The following ARID2 variants were observed in gnomAD, a reference collection of about 807,000 sequenced individuals.
ARID2 encodes AT-rich interaction domain 2.
ARID2 carries 32 observed loss-of-function variants against 184.6 expected under a neutral mutation model. The observed-to-expected ratio is 0.17, with a 90% CI of 0.13 to 0.23. The LOEUF is 0.23. Ranked by LOEUF, ARID2 falls within the 10% of genes least tolerant of loss-of-function variation. The pLI, the probability that ARID2 is intolerant of heterozygous loss-of-function variation, is 1.00. For synonymous variants in ARID2, 836 were observed against 772.6 expected (o/e 1.08, Z -1.36); for missense variants, 1,696 against 2,197.6 (o/e 0.77, Z 4.56).
chr12:45,845,741 C>A (rs1295945427), intron 11 of ARID2, among the ~76,000 whole-genome samples: 1 of 151,970 alleles, frequency 6.6e-6, no homozygotes, highest in Non-Finnish European at 1.5e-5. Context: ...TGCCTAGTTC[C>A]AATAATTTTA....
chr12:45,749,607 A>G (rs578176490), intron 3 of ARID2, among the ~76,000 whole-genome samples: 2 of 152,306 alleles, frequency 1.3e-5, no homozygotes, highest in Admixed American at 6.5e-5. Context: ...TCTTCTTCCA[A>G]TAGAAGGCTT....
chr12:45,905,106 A>T lies in ARID2; in HGVS notation c.*28A>T, dbSNP rs763014390. The stretch of plus-strand genomic sequence containing the variant: ...AATAATTCCACTTACACAGTGGGGG[A>T]CTCAAAGTCAGCCACATTTCACATA... On this transcript the variant is annotated 3_prime_UTR_variant, in exon 21 of 21. Coordinates refer to ENST00000334344, the MANE Select transcript of ARID2 (RefSeq NM_152641.4). 2.5e-6 allele frequency: 4 copies of T among 1,603,558 alleles called. No homozygotes were observed. In the South Asian group the frequency reaches 4.5e-5, roughly 18 times the overall value.
At chr12:45,861,205 A>G (rs954912509) in intron 16 of ARID2, among the ~76,000 whole-genome samples, 1 of 152,220 alleles carries the variant, frequency 6.6e-6, no homozygotes, top group African/African-American at 2.4e-5. Context: ...AGTAAAGAAA[A>G]TCAATTAAGA....
intron 3 of ARID2, among the ~76,000 whole-genome samples, chr12:45,804,867 T>C (rs557031845): frequency 6.6e-6 from 1 of 152,138 alleles, no homozygotes; most frequent in Non-Finnish European, 1.5e-5. Context: ...ACTTACTACA[T>C]ACTTGTCTGT....
At chr12:45,901,182 T>C (rs1944453460) in intron 20 of ARID2, among the ~76,000 whole-genome samples, 1 of 111,452 alleles carries the variant, frequency 9.0e-6, no homozygotes, top group Non-Finnish European at 1.9e-5. Flanking sequence ...TTTTTTTTTT[T>C]TTTTTTGAGA....
At chr12:45,781,165 T>C (rs1942082183) in intron 3 of ARID2, among the ~76,000 whole-genome samples, 1 of 150,698 alleles carries the variant, frequency 6.6e-6, no homozygotes, top group Non-Finnish European at 1.5e-5. Flanking sequence ...AAAGTTTCTG[T>C]GAGTTCTGAA....
At chr12:45,889,735 C>T (rs184400977) in intron 16 of ARID2, among the ~76,000 whole-genome samples, 1 of 152,312 alleles carries the variant, frequency 6.6e-6, no homozygotes, top group African/African-American at 2.4e-5. Context: ...GTCAGGAGTT[C>T]GAGACCAGTC....
rs748375959 is a variant in ARID2, at chr12:45,850,363, A to G, written c.2240A>G (p.His747Arg). 3.1e-6 allele frequency: 5 copies of G among 1,614,004 alleles called. No homozygotes were observed. The highest frequency in any genetic ancestry group is 2.7e-5 in the African/African-American group (2 of 74,928). ...CCACAGAGTTCTGTTGTTCAGAATC[A>G]TAGTACAGGGCCACAACCTGTTACA... ...GPPQSSVVQN[H>R]STGPQPVTVV... The change falls in exon 15 of 21, where the codon CAT becomes CGT. Residue 747 changes from histidine to arginine, a missense_variant. Transcript: ENST00000334344.
Position 45,846,915 on chromosome 12 carries a change from A to C in ARID2, c.1558A>C (p.Ser520Arg), listed in dbSNP as rs772967696. 3 of 1,613,148 alleles carry C rather than the reference A, an allele frequency of 1.9e-6. No homozygotes were observed. Among genetic ancestry groups the C allele is most frequent in the Non-Finnish European group, 2.5e-6 (3 of 1,179,332 alleles). ...ACCTCCAGGAATAGTGGAAATAGAT[A>C]GTGAGAAGTTTGCTTGTCAGTGGTA... Reference protein sequence around the residue: ...APPPGIVEIDSEKFACQWLNA... With the variant: ...APPPGIVEIDREKFACQWLNA... Residue 520 changes from serine to arginine, a missense_variant, in exon 12 of 21, where the codon AGT becomes CGT. Physicochemically the swap from Ser to Arg is moderately radical, Grantham distance 110. Around this residue, in one of 11 missense-constraint regions of ARID2, gnomAD observed 713 missense variants for 824.4 expected, o/e 0.86. Coordinates refer to ENST00000334344, the MANE Select transcript of ARID2 (RefSeq NM_152641.4).
chr12:45,820,074 G>A (rs1336494740), intron 5 of ARID2, among the ~76,000 whole-genome samples: 1 of 151,936 alleles, frequency 6.6e-6, no homozygotes, highest in African/African-American at 2.4e-5. Context: ...GGATTTTTCA[G>A]GACAAAGAAA....
intron 18 of ARID2, among the ~76,000 whole-genome samples, chr12:45,892,464 A>G (rs1944312956): frequency 7.1e-6 from 1 of 140,836 alleles, no homozygotes; most frequent in African/African-American, 2.9e-5. Context: ...AAGAGATTTC[A>G]TATCTTGTCA....
intron 20 of ARID2, among the ~76,000 whole-genome samples, chr12:45,895,225 A>G (rs1944354529): frequency 6.6e-6 from 1 of 152,196 alleles, no homozygotes; most frequent in Non-Finnish European, 1.5e-5. Flanking sequence ...TAGCTTGAAC[A>G]CTTAGCACAG....
intron 5 of ARID2, among the ~76,000 whole-genome samples, chr12:45,818,655 T>G (rs1168373244): frequency 6.6e-6 from 1 of 152,146 alleles, no homozygotes; most frequent in Admixed American, 6.5e-5. Flanking sequence ...GGAAATTATA[T>G]ATATAGCACA....
chr12:45,798,584 C>T (rs1942436212), intron 3 of ARID2, among the ~76,000 whole-genome samples: 1 of 152,060 alleles, frequency 6.6e-6, no homozygotes, highest in South Asian at 2.1e-4. Flanking sequence ...ATAGTTTAAG[C>T]CAGACTCTAA....
At position 45,860,797 on chromosome 12, in the gene ARID2, A is replaced by G. The variant is rs371698704; in HGVS notation, c.4774-4A>G. ...ACAAACTCTGCATTTGTTCTTTTTC[A>G]CAGAACACTCCTATGCCACCTTCAC... On this transcript the variant is annotated splice_polypyrimidine_tract_variant and splice_region_variant and intron_variant, in intron 15 of 20. Transcript: ENST00000334344. The G allele has an allele frequency of 3.9e-6, 6 of 1,528,440 alleles. No individual in the cohort carries two copies. In the East Asian group the frequency reaches 1.2e-4, roughly 31 times the overall value. The allele number at this position is 1,528,440 out of a possible 1,614,324, so 94.7% of individuals were successfully genotyped here. A position where few individuals can be genotyped will look rare whatever the true frequency, so the allele number is the denominator to read the frequency against.
chr12:45,876,124 C>T (rs944861421), intron 16 of ARID2, among the ~76,000 whole-genome samples: 1 of 152,226 alleles, frequency 6.6e-6, no homozygotes, highest in African/African-American at 2.4e-5. Context: ...CTCTTCCTTT[C>T]ACTTGAACAC....
intron 12 of ARID2, 75 bp from the exon 13 acceptor site, chr12:45,848,761 A>C (rs1015964457): frequency 1.5e-6 from 2 of 1,306,208 alleles, no homozygotes; most frequent in South Asian, 2.0e-5. Flanking sequence ...CATTGCCTCC[A>C]CATGGCTTTA....
At chr12:45,811,350 G>A in intron 3 of ARID2, 68 bp from the exon 4 acceptor site, 18 of 1,459,122 alleles carry the variant, frequency 1.2e-5, no homozygotes, top group Non-Finnish European at 1.7e-5. Context: ...AAACAAATAT[G>A]TGGTGAGAGT....
chr12:45,875,129 TAAA>T (rs1943989842), intron 16 of ARID2, among the ~76,000 whole-genome samples: 1 of 151,968 alleles, frequency 6.6e-6, no homozygotes, highest in African/African-American at 2.4e-5. Context: ...CTCAAAAAAA[TAAA>T]AAATAGTTGA....
Sources: gnomAD v4.1 joint callset for allele counts (sites outside exome capture counted in the v4.1 genomes callset) on GRCh38, gnomAD v4.1.1 for gene constraint, gnomAD v4.1.1 regional missense constraint, MANE v1.5 for transcripts, NCBI Gene and HGNC (gene_info 2026-07-23, HGNC 2026-07-21) for gene names.